SLC16A2: variants seen among roughly 807,000 people sequenced by gnomAD.
The protein encoded by SLC16A2 is solute carrier family 16 member 2.
SLC16A2 carries 3 observed loss-of-function variants against 27.2 expected under a neutral mutation model. That is an observed-to-expected ratio of 0.11 (90% confidence interval 0.05 to 0.28). The LOEUF is 0.28. SLC16A2 is among the 10% of genes least tolerant of loss of function. The probability of loss-of-function intolerance (pLI) is 1.00; values close to 1 mark genes in which losing one functional copy is unlikely to be tolerated. For missense variants in SLC16A2, 295 were observed against 458.5 expected (o/e 0.64, Z 3.26); for synonymous variants, 202 against 187.8 (o/e 1.08, Z -0.62).
intron 1 of SLC16A2, among the ~76,000 whole-genome samples, chrX:74,451,961 A>G (rs769404801): frequency 3.5e-5 from 4 of 112,754 alleles, no homozygotes; most frequent in Non-Finnish European, 5.6e-5. Context: ...AGAGGATCCT[A>G]TAGTTAAGAG....
intron 1 of SLC16A2, among the ~76,000 whole-genome samples, chrX:74,442,214 C>A (rs1479167333): frequency 2.3e-5 from 2 of 88,455 alleles, no homozygotes; most frequent in African/African-American, 9.0e-5. Flanking sequence ...AGCAACAAGA[C>A]TGAAACTCCG....
chrX:74,469,496 G>A (rs1929312043), intron 1 of SLC16A2, among the ~76,000 whole-genome samples: 1 of 111,444 alleles, frequency 9.0e-6, no homozygotes, highest in East Asian at 2.8e-4. Context: ...CTTATTTTTT[G>A]TATTTTTTTT....
intron 1 of SLC16A2, among the ~76,000 whole-genome samples, chrX:74,509,563 G>A (rs1930192388): frequency 9.1e-6 from 1 of 109,811 alleles, no homozygotes; most frequent in Admixed American, 9.6e-5. Context: ...TGATCATGAT[G>A]TTTTTTCCCC....
intron 1 of SLC16A2, among the ~76,000 whole-genome samples, chrX:74,518,851 G>A (rs1930359290): frequency 9.0e-6 from 1 of 111,709 alleles, no homozygotes; most frequent in South Asian, 3.8e-4. Flanking sequence ...GTGGATACCG[G>A]TCTATTGTCA....
At chrX:74,452,815 A>G (rs1928967516) in intron 1 of SLC16A2, among the ~76,000 whole-genome samples, 1 of 110,968 alleles carries the variant, frequency 9.0e-6, no homozygotes, top group African/African-American at 3.3e-5. Flanking sequence ...GAGCCCCAGA[A>G]CCTCAGCAGC....
chrX:74,500,741 T>A (rs1045963855), intron 1 of SLC16A2, among the ~76,000 whole-genome samples: 1 of 111,691 alleles, frequency 9.0e-6, no homozygotes, highest in African/African-American at 3.3e-5. Context: ...GCACCCTGTT[T>A]ACTTTGTTTC....
chrX:74,502,444 A>G (rs1003157679), intron 1 of SLC16A2, among the ~76,000 whole-genome samples: 1 of 111,116 alleles, frequency 9.0e-6, no homozygotes, highest in Non-Finnish European at 1.9e-5. Context: ...GTTCAAGTGC[A>G]TTTCTTGACC....
chrX:74,504,454 G>A (rs1048491880), intron 1 of SLC16A2, among the ~76,000 whole-genome samples: 1 of 111,826 alleles, frequency 8.9e-6, no homozygotes, highest in African/African-American at 3.3e-5. Flanking sequence ...CCCAGACCCA[G>A]AGTTCACTTT....
Position 74,531,438 on chromosome X carries a change from A to G in SLC16A2, c.1505A>G (p.Gln502Arg). The G allele has an allele frequency of 1.6e-5, 19 of 1,211,165 alleles. No individual in the cohort carries two copies. Among genetic ancestry groups the G allele is most frequent in the Non-Finnish European group, 2.1e-5 (19 of 894,869 alleles). The change falls in exon 6 of 6, where the codon CAA (glutamine) becomes CGA (arginine). Residue 502 changes from glutamine to arginine, a missense_variant. Gln to Arg is a conservative substitution (Grantham distance 43). Coordinates refer to ENST00000587091, the MANE Select transcript of SLC16A2 (RefSeq NM_006517.5). ...CTCTTCTTCGTCCCTCTGATGCATC[A>G]AAGGATGTTCAAGAAAGAGCAGAGA... is the stretch of plus-strand genomic sequence containing the variant. ...VILFFVPLMH[Q>R]RMFKKEQRDS...
intron 1 of SLC16A2, among the ~76,000 whole-genome samples, chrX:74,467,202 G>A (rs1406012324): frequency 8.9e-6 from 1 of 111,811 alleles, no homozygotes; most frequent in African/African-American, 3.3e-5. Flanking sequence ...AAGTGGTAAG[G>A]GGCCTTAGAT....
At chrX:74,500,214 A>C (rs1210732161) in intron 1 of SLC16A2, among the ~76,000 whole-genome samples, 1 of 110,798 alleles carries the variant, frequency 9.0e-6, no homozygotes, top group Non-Finnish European at 1.9e-5. Context: ...CAGACTTTGG[A>C]TGAAGGAGGA....
At chrX:74,530,740 G>T (rs975096666) in intron 5 of SLC16A2, among the ~76,000 whole-genome samples, 1 of 111,728 alleles carries the variant, frequency 9.0e-6, no homozygotes, top group Non-Finnish European at 1.9e-5. Context: ...GTACTACGAG[G>T]TACCACATAT....
intron 1 of SLC16A2, among the ~76,000 whole-genome samples, chrX:74,452,124 C>T (rs1928954878): frequency 8.9e-6 from 1 of 112,486 alleles, no homozygotes; most frequent in South Asian, 3.7e-4. Flanking sequence ...CCCCAAGGCG[C>T]CCTCCAGACT....
At chrX:74,425,885 A>AG (rs1281755007) in intron 1 of SLC16A2, among the ~76,000 whole-genome samples, 1 of 112,018 alleles carries the variant, frequency 8.9e-6, no homozygotes, top group Non-Finnish European at 1.9e-5. Context: ...TAAGCTCCCA[A>AG]GGGGGGTCAA....
chrX:74,473,335 C>T lies in SLC16A2; in HGVS notation c.431-47655C>T, dbSNP rs902828508. 1.3e-5 allele frequency: 7 copies of T among 546,719 alleles called. No individual in the cohort carries two copies. The African/African-American group carries it at 1.6e-4, about 12-fold the overall frequency. The allele number at this position is 546,719 out of a possible 1,213,427, so 45.1% of individuals were successfully genotyped here. On this transcript the variant is annotated intron_variant, in intron 1 of 5. Transcript: ENST00000587091. ...TCCTCCACGACCACCACCTCCATGA[C>T]CATGATCAAAGTTTCCAGAACCACT...
intron 1 of SLC16A2, among the ~76,000 whole-genome samples, chrX:74,485,641 G>A (rs1056561089): frequency 9.0e-6 from 1 of 111,110 alleles, no homozygotes; most frequent in Non-Finnish European, 1.9e-5. Context: ...TCCAAGGAAT[G>A]GAACCTTGGG....
At chrX:74,483,326 G>A (rs553043693) in intron 1 of SLC16A2, among the ~76,000 whole-genome samples, 1 of 111,313 alleles carries the variant, frequency 9.0e-6, no homozygotes, top group South Asian at 3.8e-4. Context: ...ACAATGCCCT[G>A]GGAAATAAAT....
intron 1 of SLC16A2, among the ~76,000 whole-genome samples, chrX:74,513,911 G>T (rs964246412): frequency 8.9e-6 from 1 of 112,064 alleles, no homozygotes; most frequent in African/African-American, 3.2e-5. Context: ...TTAACATCTT[G>T]AATGCCTATG....
chrX:74,431,992 G>C (rs759387419), intron 1 of SLC16A2, among the ~76,000 whole-genome samples: 1 of 111,548 alleles, frequency 9.0e-6, no homozygotes, highest in South Asian at 3.8e-4. Context: ...TTGTTCCTCA[G>C]TTCTCTGAGA....
Sources: allele counts gnomAD v4.1 joint callset (sites outside exome capture counted in the v4.1 genomes callset), GRCh38; gene constraint gnomAD v4.1.1; transcripts MANE v1.5; gene names NCBI Gene and HGNC (gene_info 2026-07-23, HGNC 2026-07-21).